CHN2: variants seen among roughly 807,000 people sequenced by gnomAD.
The protein encoded by CHN2 is chimerin 2.
A neutral mutation model predicts 56.3 loss-of-function variants in CHN2; 35 were observed. The observed-to-expected ratio is 0.62, with a 90% CI of 0.47 to 0.82. CHN2 has a LOEUF of 0.82. CHN2 is among the 40% of genes least tolerant of loss of function. The pLI is 0.00. For synonymous variants in CHN2, 210 were observed against 212.8 expected (o/e 0.99, Z 0.12); for missense variants, 491 against 580.5 (o/e 0.85, Z 1.58).
chr7:29,435,903 T>C (rs1324954968), intron 6 of CHN2, among the ~76,000 whole-genome samples: 2 of 151,228 alleles, frequency 1.3e-5, no homozygotes, highest in Admixed American at 6.6e-5. Context: ...CCTTTTTTTT[T>C]TTTTTTCTTT....
chr7:29,410,804 A>G (rs1311037251), intron 6 of CHN2, among the ~76,000 whole-genome samples: 1 of 152,150 alleles, frequency 6.6e-6, no homozygotes, highest in Non-Finnish European at 1.5e-5. Flanking sequence ...AGACATAGTA[A>G]AAGTTGAACT....
At chr7:29,203,236 G>A (rs927673207) in intron 1 of CHN2, among the ~76,000 whole-genome samples, 3 of 152,248 alleles carry the variant, frequency 2.0e-5, no homozygotes, top group Middle Eastern at 3.4e-3. Flanking sequence ...GGAGGCCAAG[G>A]CGGGTGGATC....
exon 1 of CHN2, chr7:29,146,675 C>G: frequency 2.6e-6 from 4 of 1,550,522 alleles, no homozygotes; most frequent in Non-Finnish European, 3.5e-6. Context: ...GCTTCCCATG[C>G]TGGAAGAAGC....
chr7:29,215,777 A>C (rs1369671079), intron 1 of CHN2, among the ~76,000 whole-genome samples: 3 of 152,032 alleles, frequency 2.0e-5, no homozygotes, highest in African/African-American at 7.2e-5. Flanking sequence ...TTTCTCAGGG[A>C]AAGAAAATGT....
chr7:29,354,105 T>C (rs1457501378), intron 1 of CHN2, among the ~76,000 whole-genome samples: 1 of 152,234 alleles, frequency 6.6e-6, no homozygotes, highest in East Asian at 1.9e-4. Context: ...AAAGAGATAA[T>C]GCAATTCCAA....
At chr7:29,239,743 G>A (rs1378269930) in intron 1 of CHN2, among the ~76,000 whole-genome samples, 1 of 151,886 alleles carries the variant, frequency 6.6e-6, no homozygotes, top group Admixed American at 6.6e-5. Flanking sequence ...AGCCTGGCCT[G>A]GGAGTTGCAA....
intron 1 of CHN2, among the ~76,000 whole-genome samples, chr7:29,343,969 C>T (rs181138011): frequency 1.3e-3 from 191 of 152,360 alleles, no homozygotes; most frequent in African/African-American, 4.3e-3. Context: ...CTGCTTCTCC[C>T]CTGGTCTGCC....
intron 1 of CHN2, among the ~76,000 whole-genome samples, chr7:29,252,385 T>G (rs1047125842): frequency 1.2e-4 from 18 of 150,726 alleles, no homozygotes; most frequent in Non-Finnish European, 2.2e-4. Context: ...AGATGGAGTT[T>G]CACCGTGTTA....
intron 4 of CHN2, among the ~76,000 whole-genome samples, chr7:29,394,185 T>G (rs1190852835): frequency 2.0e-5 from 3 of 152,172 alleles, no homozygotes; most frequent in Non-Finnish European, 4.4e-5. Flanking sequence ...TTGGCTCGGG[T>G]GTAGTAGCCA....
chr7:29,475,797 C>T (rs1031183432), intron 6 of CHN2, among the ~76,000 whole-genome samples: 3 of 152,154 alleles, frequency 2.0e-5, no homozygotes, highest in Non-Finnish European at 2.9e-5. Flanking sequence ...ATATATTGTA[C>T]GATTCCCTTT....
intron 1 of CHN2, among the ~76,000 whole-genome samples, chr7:29,260,268 C>T (rs1336996750): frequency 1.3e-5 from 2 of 152,160 alleles, no homozygotes; most frequent in Non-Finnish European, 1.5e-5. Flanking sequence ...TGAGCCACCG[C>T]ACCTGGATCT....
intron 6 of CHN2, among the ~76,000 whole-genome samples, chr7:29,459,477 C>T (rs989992698): frequency 6.6e-6 from 1 of 152,148 alleles, no homozygotes; most frequent in Non-Finnish European, 1.5e-5. Flanking sequence ...GAGCTCGCCT[C>T]CCCTGCAGGT....
chr7:29,203,467 CAAAAAAAA>C (rs11287820), intron 1 of CHN2, among the ~76,000 whole-genome samples: 6 of 55,582 alleles, frequency 1.1e-4, no homozygotes, highest in African/African-American at 2.9e-4. Context: ...AACTCCGTCT[CAAAAAAAA>C]AAAAAAAAAA....
chr7:29,500,333 T>C (rs1010869496), intron 9 of CHN2, among the ~76,000 whole-genome samples: 1 of 152,168 alleles, frequency 6.6e-6, no homozygotes, highest in African/African-American at 2.4e-5. Context: ...CTTCAAGAAA[T>C]TCATACTTCA....
intron 1 of CHN2, among the ~76,000 whole-genome samples, chr7:29,242,213 CAT>C (rs1787740862): frequency 6.6e-6 from 1 of 152,172 alleles, no homozygotes; most frequent in African/African-American, 2.4e-5. Context: ...CTCTAAAGGA[CAT>C]ATATCTATTT....
chr7:29,458,198 A>G (rs1463496841), intron 6 of CHN2, among the ~76,000 whole-genome samples: 2 of 152,210 alleles, frequency 1.3e-5, no homozygotes, highest in Admixed American at 6.5e-5. Flanking sequence ...AGGTGTGGTT[A>G]GGGAGATATG....
chr7:29,211,684 G>A lies in CHN2; in HGVS notation c.49+16694G>A, dbSNP rs186936285. On this transcript the variant is annotated intron_variant, in intron 1 of 12. Coordinates refer to ENST00000222792, the MANE Select transcript of CHN2 (RefSeq NM_004067.4). ...GAAATTGGTCCAGAACTCCAAAGAT[G>A]TAGCAGATTCAGTTAGCCTGCTCAA... is the stretch of plus-strand genomic sequence containing the variant. Among the ~76,000 whole-genome samples, 263 of 152,288 alleles carry A rather than the reference G, an allele frequency of 1.7e-3. 2 individuals carry two copies. Among genetic ancestry groups the A allele is most frequent in the African/African-American group, 6.2e-3 (256 of 41,564 alleles).
intron 1 of CHN2, among the ~76,000 whole-genome samples, chr7:29,257,567 C>T (rs1461142343): frequency 6.6e-6 from 1 of 152,158 alleles, no homozygotes; most frequent in Non-Finnish European, 1.5e-5. Context: ...AGAATTATAA[C>T]TGAAAAGATG....
intron 3 of CHN2, among the ~76,000 whole-genome samples, chr7:29,372,427 C>T (rs957813873): frequency 6.6e-6 from 1 of 152,072 alleles, no homozygotes; most frequent in Non-Finnish European, 1.5e-5. Flanking sequence ...GTATCTGTGG[C>T]ACTTTATATA....
Sources: allele counts gnomAD v4.1 joint callset (sites outside exome capture counted in the v4.1 genomes callset), GRCh38; gene constraint gnomAD v4.1.1; transcripts MANE v1.5; gene names NCBI Gene and HGNC (gene_info 2026-07-23, HGNC 2026-07-21).